The following SEC61A1 variants were observed in gnomAD, a reference collection of about 807,000 sequenced individuals.
SEC61A1 encodes the protein protein transport protein Sec61 subunit alpha isoform 1.
In SEC61A1, 15 loss-of-function variants were observed where a neutral mutation model predicts 55.2. That is an observed-to-expected ratio of 0.27 (90% CI 0.18 to 0.42). The LOEUF is 0.42. Ranked by LOEUF, SEC61A1 falls within the 10% of genes least tolerant of loss-of-function variation. SEC61A1 has a pLI of 1.00. For synonymous variants in SEC61A1, 247 were observed against 234.0 expected (o/e 1.06, Z -0.51); for missense variants, 284 against 602.6 (o/e 0.47, Z 5.53).
intron 7 of SEC61A1, among the ~76,000 whole-genome samples, chr3:128,061,830 G>A (rs1008541876): frequency 6.6e-6 from 1 of 152,208 alleles, no homozygotes; most frequent in African/African-American, 2.4e-5. Context: ...GGCTTTTGGG[G>A]AGTGCCTGAG....
In SEC61A1 at chr3:128,064,765, G is replaced by A. The variant is rs1185319816; in HGVS notation, c.617-112G>A. On this transcript the variant is annotated intron_variant, in intron 7 of 11. Transcript: ENST00000243253. ...GTATCCCTGTGGCTATGGGCACCATGAGTCTAATAACTTAAGTTTGTTTTC... is the reference window on the plus strand; with the variant it reads ...GTATCCCTGTGGCTATGGGCACCATAAGTCTAATAACTTAAGTTTGTTTTC... 37 of 849,618 alleles carry A rather than the reference G, an allele frequency of 4.4e-5. No homozygotes were observed. In the East Asian group the frequency reaches 6.8e-4, roughly 16 times the overall value. The allele number at this position is 849,618 out of a possible 1,614,324, so 52.6% of individuals were successfully genotyped here.
rs9852926 is a variant in SEC61A1, at chr3:128,066,708, G to A, written c.778-246G>A. On this transcript the variant is annotated intron_variant, in intron 8 of 11. Coordinates refer to ENST00000243253, the MANE Select transcript of SEC61A1 (RefSeq NM_013336.4). ...CAAAGTGCTGGGATTACAGGTGTAA[G>A]TCACCACGCCTAGCCTTCAGTGTAT... The A allele has an allele frequency of 0.016, 8,741 of 540,350 alleles. 610 individuals are homozygous for A. Among genetic ancestry groups the A allele is most frequent in the African/African-American group, 0.15 (7,798 of 52,462 alleles). 33.5% of individuals were successfully genotyped at this position (540,350 alleles called of 1,614,324 possible).
At chr3:128,052,402 CGCCGCGCCGCGCCGCTTGCCGCCGG>C (rs1251223751), upstream of SEC61A1, 2 of 1,216,558 alleles carry the variant, frequency 1.6e-6, no homozygotes, top group African/African-American at 3.2e-5. Context: ...CCCCGCCCCG[CGCCGCGCCGCGCCGCTTGCCGCCGG>C]GCTAGCACTG....
intron 1 of SEC61A1, 133 bp downstream of exon 1, chr3:128,052,692 C>T: frequency 3.3e-6 from 5 of 1,518,010 alleles, no homozygotes; most frequent in East Asian, 4.9e-5. Flanking sequence ...CCCGGCCCTT[C>T]TCGAGTATCC....
At chr3:128,058,808 A>G (rs974197174) in intron 5 of SEC61A1, among the ~76,000 whole-genome samples, 2 of 151,900 alleles carry the variant, frequency 1.3e-5, no homozygotes, top group Admixed American at 6.5e-5. Context: ...TGAGGCTGCT[A>G]GTGCACCACT....
chr3:128,067,388 G>A lies in SEC61A1; in HGVS notation c.976-33G>A, dbSNP rs374485688. 1.9e-6 allele frequency: 3 copies of A among 1,586,168 alleles called. No homozygotes were observed. The highest frequency in any genetic ancestry group is 1.7e-6 in the Non-Finnish European group (2 of 1,167,010). On this transcript the variant is annotated intron_variant, in intron 9 of 11. Coordinates refer to ENST00000243253, the MANE Select transcript of SEC61A1 (RefSeq NM_013336.4). The surrounding 1 kb of genome is among the most constrained non-coding windows in gnomAD (Gnocchi z 4.1). ...CTTGATGCTAAAGTAAAATGAAGGA[G>A]CACTCACATGCGTTTGGTTTCTTCT...
chr3:128,052,148 G>A (rs558835292), upstream of SEC61A1, among the ~76,000 whole-genome samples: 42 of 152,168 alleles, frequency 2.8e-4, no homozygotes, highest in Non-Finnish European at 5.3e-4. Flanking sequence ...CCGTGAGGCC[G>A]CACAGCCCCA....
chr3:128,066,292 G>A (rs977512159), intron 8 of SEC61A1, among the ~76,000 whole-genome samples: 1 of 152,082 alleles, frequency 6.6e-6, no homozygotes, highest in East Asian at 1.9e-4. Context: ...AGAGAGAAGC[G>A]CCCTTGGGAT....
At chr3:128,053,397 G>A (rs1464486868) in intron 2 of SEC61A1, among the ~76,000 whole-genome samples, 2 of 152,184 alleles carry the variant, frequency 1.3e-5, no homozygotes, top group Non-Finnish European at 2.9e-5. Context: ...ATTCTTTTGT[G>A]AAGTCTGCTG....
intron 5 of SEC61A1, among the ~76,000 whole-genome samples, chr3:128,057,179 G>T (rs1009346606): frequency 6.6e-6 from 1 of 152,140 alleles, no homozygotes; most frequent in South Asian, 2.1e-4. Flanking sequence ...TGATCCACCC[G>T]CCTCGGCCTC....
chr3:128,062,682 C>T (rs1941868157), intron 7 of SEC61A1, among the ~76,000 whole-genome samples: 1 of 152,180 alleles, frequency 6.6e-6, no homozygotes, highest in Non-Finnish European at 1.5e-5. Context: ...GAAGATGTAG[C>T]AGGTGGTCCT....
Position 128,055,898 on chromosome 3 carries a change from C to T in SEC61A1, c.220+147C>T, listed in dbSNP as rs1171115831. 4 of 671,864 alleles carry T rather than the reference C, an allele frequency of 6.0e-6. No homozygotes were observed. In the African/African-American group the frequency reaches 7.2e-5, roughly 12 times the overall value. 41.6% of individuals were successfully genotyped at this position (671,864 alleles called of 1,614,324 possible). A position where few individuals can be genotyped will look rare whatever the true frequency, so the allele number is the denominator to read the frequency against. On this transcript the variant is annotated intron_variant, in intron 4 of 11. Transcript: ENST00000243253. The stretch of plus-strand genomic sequence containing the variant: ...ATGTTAAAGTGCTGTGTTGAATAGC[C>T]TTATTAAATGCTGAGTTCAGCACCA...
chr3:128,067,828 C>G lies in SEC61A1; in HGVS notation c.1168-155C>G, dbSNP rs1351068951. The G allele has an allele frequency of 5.5e-6, 4 of 725,384 alleles. No individual in the cohort carries two copies. The East Asian group carries it at 1.0e-4, about 18-fold the overall frequency. 44.9% of individuals were successfully genotyped at this position (725,384 alleles called of 1,614,324 possible). On this transcript the variant is annotated intron_variant, in intron 10 of 11. Transcript: ENST00000243253. This position sits in a 1 kb window ranked among gnomAD's most constrained non-coding sequence, Gnocchi z 4.1. ...TCTGAATCCACACTGTAAAGTTAGA[C>G]TTTTTCATATGACTTCCTTGCGGCA...
intron 2 of SEC61A1, among the ~76,000 whole-genome samples, chr3:128,053,619 G>A (rs1279670296): frequency 6.6e-6 from 1 of 152,230 alleles, no homozygotes; most frequent in African/African-American, 2.4e-5. Flanking sequence ...GGACACTTGG[G>A]TGCTTGGAAT....
At chr3:128,053,187 A>C (rs958251223) in intron 2 of SEC61A1, among the ~76,000 whole-genome samples, 1 of 152,172 alleles carries the variant, frequency 6.6e-6, no homozygotes, top group Non-Finnish European at 1.5e-5. Context: ...CCGGGCCATG[A>C]ATGAATAAGG....
chr3:128,060,896 C>T (rs1346380005), intron 7 of SEC61A1, among the ~76,000 whole-genome samples: 1 of 152,206 alleles, frequency 6.6e-6, no homozygotes, highest in Non-Finnish European at 1.5e-5. Flanking sequence ...TTTGGCACGT[C>T]AGAATACACA....
chr3:128,052,669 C>A (rs1488707470), intron 1 of SEC61A1, 110 bp downstream of exon 1: 12 of 1,534,706 alleles, frequency 7.8e-6, no homozygotes, highest in Non-Finnish European at 1.1e-5. Flanking sequence ...CCCTGCAGAA[C>A]GCGGCCCGTG....
intron 4 of SEC61A1, among the ~76,000 whole-genome samples, chr3:128,056,431 A>T (rs1364000057): frequency 6.6e-6 from 1 of 152,188 alleles, no homozygotes; most frequent in Non-Finnish European, 1.5e-5. Context: ...CTAAAACCAG[A>T]ATGAATCTGT....
Position 128,069,672 on chromosome 3 carries a change from C to T in SEC61A1, c.*10C>T, listed in dbSNP as rs1438483999. On this transcript the variant is annotated 3_prime_UTR_variant, in exon 12 of 12. Transcript: ENST00000243253. ...GGCCCTGCTCTTCTGAGCCCGTCTC[C>T]CGGACAGGTTGAGGAAGCTGCTCCA... The T allele has an allele frequency of 6.2e-7, 1 of 1,613,280 alleles. No individual in the cohort carries two copies. Among genetic ancestry groups the T allele is most frequent in the East Asian group, 2.2e-5 (1 of 44,878 alleles).
Sources: allele counts gnomAD v4.1 joint callset (sites outside exome capture counted in the v4.1 genomes callset), GRCh38; gene constraint gnomAD v4.1.1; non-coding constraint Gnocchi (gnomAD v3.1); transcripts MANE v1.5; gene names NCBI Gene and HGNC (gene_info 2026-07-23, HGNC 2026-07-21).